Variants in DAB2IP observed in about 807,000 individuals in gnomAD.
The protein encoded by DAB2IP is disabled homolog 2-interacting protein.
In DAB2IP, 28 loss-of-function variants were observed where a neutral mutation model predicts 107.2. The ratio of observed to expected loss-of-function variants is 0.26; its 90% CI spans 0.19 to 0.36. The LOEUF (loss-of-function observed/expected upper bound fraction) is 0.36, where lower values mean the gene tolerates loss of function less well. DAB2IP is among the 10% of genes least tolerant of loss of function. The probability of loss-of-function intolerance (pLI) is 1.00; values close to 1 mark genes in which losing one functional copy is unlikely to be tolerated. For missense variants in DAB2IP, 1,400 were observed against 1,644.7 expected (o/e 0.85, Z 2.57); for synonymous variants, 755 against 706.4 (o/e 1.07, Z -1.09).
intron 1 of DAB2IP, among the ~76,000 whole-genome samples, chr9:121,629,499 C>T (rs967733871): frequency 2.6e-5 from 4 of 152,264 alleles, no homozygotes; most frequent in Admixed American, 6.5e-5. Context: ...GCGGGCTGGC[C>T]GGGCAGGCGC....
intron 10 of DAB2IP, among the ~76,000 whole-genome samples, chr9:121,768,894 C>T (rs550427697): frequency 1.3e-5 from 2 of 152,340 alleles, no homozygotes; most frequent in South Asian, 4.1e-4. Flanking sequence ...CTTTAGTGGA[C>T]AAGCGCCACT....
intron 10 of DAB2IP, 132 bp from the exon 11 acceptor site, chr9:121,770,414 T>G: frequency 2.0e-6 from 2 of 1,001,314 alleles, no homozygotes; most frequent in South Asian, 3.5e-5. Flanking sequence ...CCAGTGGCTC[T>G]GACTGGCAGC....
chr9:121,780,376 ACTGCTGCC>A (rs1205210872), intron 14 of DAB2IP, among the ~76,000 whole-genome samples: 5 of 151,972 alleles, frequency 3.3e-5, no homozygotes, highest in African/African-American at 7.3e-5. Context: ...TGCTCCCTGA[ACTGCTGCC>A]CTGCTGCCCC....
At chr9:121,753,097 G>A (rs1833236134) in intron 3 of DAB2IP, 1 of 152,324 alleles carries the variant, frequency 6.6e-6, no homozygotes, top group East Asian at 1.9e-4. Context: ...ATGGCCCAAG[G>A]TAAGCCCGGC....
chr9:121,607,164 G>A (rs984349001), intron 1 of DAB2IP, among the ~76,000 whole-genome samples: 6 of 152,168 alleles, frequency 3.9e-5, no homozygotes, highest in Non-Finnish European at 8.8e-5. Flanking sequence ...GAAGCCCCCT[G>A]TCCTTGTAGG....
intron 6 of DAB2IP, among the ~76,000 whole-genome samples, chr9:121,761,441 C>T (rs1401039690): frequency 1.3e-5 from 2 of 152,160 alleles, no homozygotes; most frequent in East Asian, 1.9e-4. Flanking sequence ...AGCTCTGGGT[C>T]GGGGAGGCAC....
chr9:121,652,596 G>A (rs991263694), intron 1 of DAB2IP, among the ~76,000 whole-genome samples: 1 of 152,166 alleles, frequency 6.6e-6, no homozygotes, highest in African/African-American at 2.4e-5. Flanking sequence ...CTTCAAAGGG[G>A]CTCTGGGGAG....
chr9:121,694,447 G>A (rs1829318965), intron 2 of DAB2IP, among the ~76,000 whole-genome samples: 1 of 152,152 alleles, frequency 6.6e-6, no homozygotes, highest in East Asian at 1.9e-4. Context: ...TTGATTGCTG[G>A]TAATATATCA....
chr9:121,726,852 C>T (rs1831261514), intron 3 of DAB2IP, among the ~76,000 whole-genome samples: 1 of 152,122 alleles, frequency 6.6e-6, no homozygotes, highest in African/African-American at 2.4e-5. Context: ...TCCCCTTTAT[C>T]TTCAAGGGGA....
At chr9:121,783,731 AC>A in exon 16 of DAB2IP, 2 of 804,988 alleles carry the variant, frequency 2.5e-6, no homozygotes, top group Non-Finnish European at 2.0e-6. Context: ...CCGGCCAAGG[AC>A]CCAGGCGCTG....
At chr9:121,608,540 TG>T (rs372446549) in intron 1 of DAB2IP, among the ~76,000 whole-genome samples, 3 of 151,816 alleles carry the variant, frequency 2.0e-5, no homozygotes, top group Non-Finnish European at 4.4e-5. Context: ...GAGCAGGAGT[TG>T]GGGGGGTAAG....
At chr9:121,739,712 G>T (rs557034581) in intron 3 of DAB2IP, among the ~76,000 whole-genome samples, 1 of 152,198 alleles carries the variant, frequency 6.6e-6, no homozygotes, top group African/African-American at 2.4e-5. Context: ...TCCCAGAGGC[G>T]CTGTCAGGCA....
intron 3 of DAB2IP, among the ~76,000 whole-genome samples, chr9:121,710,059 G>A (rs192659723): frequency 3.1e-4 from 47 of 152,278 alleles, no homozygotes; most frequent in Non-Finnish European, 6.0e-4. Context: ...TGAGTTGCAT[G>A]GCCAGAAATG....
At chr9:121,777,247 C>CT (rs1835270852) in intron 14 of DAB2IP, among the ~76,000 whole-genome samples, 3 of 152,182 alleles carry the variant, frequency 2.0e-5, no homozygotes, top group Non-Finnish European at 2.9e-5. Context: ...AGCAGGTGTG[C>CT]AAGAGCCAGG....
chr9:121,762,594 G>A (rs556803036), intron 6 of DAB2IP, among the ~76,000 whole-genome samples: 76 of 152,306 alleles, frequency 5.0e-4, no homozygotes, highest in African/African-American at 1.6e-3. Flanking sequence ...CGTGCATGTC[G>A]GAGTGAGGAA....
intron 1 of DAB2IP, among the ~76,000 whole-genome samples, chr9:121,600,730 A>C (rs550762950): frequency 6.6e-6 from 1 of 152,206 alleles, no homozygotes; most frequent in Admixed American, 6.5e-5. Context: ...TCTGGAGCCC[A>C]GGGAATCTGG....
rs982880945 is a variant in DAB2IP, at chr9:121,699,082, G to A, written c.229-243G>A. ...GGCTCGGCGTCGCCAAGGCAACAGC[G>A]GCTTAGGGGGCGGGGGCGACGTGGC... On this transcript the variant is annotated intron_variant, in intron 2 of 15. Transcript: ENST00000408936. The surrounding 1 kb of genome is among the most constrained non-coding windows in gnomAD (Gnocchi z 6.2). Among the ~76,000 whole-genome samples, 367 of 148,330 alleles carry A rather than the reference G, an allele frequency of 2.5e-3. No individual in the cohort carries two copies. The highest frequency in any genetic ancestry group is 7.7e-3 in the Admixed American group (115 of 14,958).
At chr9:121,695,231 C>G (rs1357386319) in intron 2 of DAB2IP, among the ~76,000 whole-genome samples, 1 of 152,150 alleles carries the variant, frequency 6.6e-6, no homozygotes, top group Non-Finnish European at 1.5e-5. Flanking sequence ...CATTCATGTC[C>G]CTGTCCCCCT....
At chr9:121,590,817 C>A (rs1227998406) in intron 1 of DAB2IP, among the ~76,000 whole-genome samples, 1 of 152,120 alleles carries the variant, frequency 6.6e-6, no homozygotes, top group Admixed American at 6.5e-5. Flanking sequence ...GGAGGGGATA[C>A]AACAATGAAG....
Sources: allele counts gnomAD v4.1 joint callset (sites outside exome capture counted in the v4.1 genomes callset), GRCh38; gene constraint gnomAD v4.1.1; non-coding constraint Gnocchi (gnomAD v3.1); transcripts MANE v1.5; gene names NCBI Gene and HGNC (gene_info 2026-07-23, HGNC 2026-07-21).